CERS4: variants seen among roughly 807,000 people sequenced by gnomAD.
The protein encoded by CERS4 is ceramide synthase 4, also known as LAG1 homolog, ceramide synthase 4.
CERS4 carries 65 observed loss-of-function variants against 51.8 expected under a neutral mutation model. The ratio of observed to expected loss-of-function variants is 1.26; its 90% CI spans 1.03 to 1.54. CERS4 has a LOEUF of 1.54. CERS4 is among the 40% of genes most tolerant of loss of function. The pLI is 0.00. For synonymous variants in CERS4, 228 were observed against 208.4 expected (o/e 1.09, Z -0.81); for missense variants, 563 against 500.4 (o/e 1.13, Z -1.19).
At position 8,254,497 on chromosome 19, in the gene CERS4, A is replaced by G. The variant is rs1969264487; in HGVS notation, c.174-2A>G. ...GATAGGCTCTGTCTCCTTTGCACCC[A>G]GATTCATTGGCCTGCCCCTGAGCCG... On this transcript the variant is annotated splice_acceptor_variant, in intron 3 of 11. Coordinates refer to ENST00000251363, the MANE Select transcript of CERS4 (RefSeq NM_024552.3). LOFTEE classifies it high-confidence loss of function. 3 of 1,613,492 alleles carry G rather than the reference A, an allele frequency of 1.9e-6. No homozygotes were observed. The highest frequency in any genetic ancestry group is 1.1e-5 in the South Asian group (1 of 91,058).
intron 3 of CERS4, among the ~76,000 whole-genome samples, chr19:8,254,017 T>G (rs890704997): frequency 6.6e-6 from 1 of 151,654 alleles, no homozygotes; most frequent in African/African-American, 2.4e-5. Context: ...TCTGATCAGA[T>G]GGAAAAGAAA....
rs904529649 is a variant in CERS4, at chr19:8,262,351, C to G, written c.*242C>G. ...ATGCTGTGGCTGGCCAGAGACACCTCCAGGCTGTGGCCTGGGGGCTGGGGG... is the reference window on the plus strand; with the variant it reads ...ATGCTGTGGCTGGCCAGAGACACCTGCAGGCTGTGGCCTGGGGGCTGGGGG... On this transcript the variant is annotated 3_prime_UTR_variant, in exon 12 of 12. Transcript: ENST00000251363. 3.4e-5 allele frequency: 14 copies of G among 406,236 alleles called. No individual in the cohort carries two copies. The highest frequency in any genetic ancestry group is 4.1e-5 in the African/African-American group (2 of 48,684). The allele number at this position is 406,236 out of a possible 1,614,324, so 25.2% of individuals were successfully genotyped here.
rs146817701 is a variant in CERS4, at chr19:8,254,183, C to T, written c.174-316C>T. Among the ~76,000 whole-genome samples the T allele has an allele frequency of 7.6e-3, 1,147 of 151,762 alleles. 14 individuals are homozygous for T. The highest frequency in any genetic ancestry group is 0.026 in the African/African-American group (1,075 of 41,428). ...TAAAAAATACAAAAAATTAGCCGGG[C>T]GTAGTGGCGGGCGCCTGCAGTCCCA... On this transcript the variant is annotated intron_variant, in intron 3 of 11. Transcript: ENST00000251363.
intron 2 of CERS4, among the ~76,000 whole-genome samples, chr19:8,215,763 C>T (rs1199602892): frequency 1.3e-5 from 2 of 152,176 alleles, no homozygotes; most frequent in Admixed American, 1.3e-4. Context: ...GGGGGCATCC[C>T]TTGTCCCTGG....
intron 4 of CERS4, 22 bp downstream of exon 4, chr19:8,254,638 C>T (rs73922277): frequency 0.012 from 18,452 of 1,580,830 alleles, 764 homozygotes; most frequent in African/African-American, 0.1. Context: ...CCATGCCCTC[C>T]GACCCGCACT....
intron 2 of CERS4, 194 bp from the exon 3 acceptor site, chr19:8,250,882 T>C (rs1969042099): frequency 7.1e-7 from 1 of 1,414,004 alleles, no homozygotes; most frequent in Non-Finnish European, 9.2e-7. Flanking sequence ...AATGAAGTGG[T>C]GGCTCTTCTG....
intron 2 of CERS4, among the ~76,000 whole-genome samples, chr19:8,238,111 C>G (rs778652204): frequency 6.6e-6 from 1 of 152,046 alleles, no homozygotes; most frequent in Non-Finnish European, 1.5e-5. Context: ...TCCAACCCCC[C>G]AGAGACCAGA....
intron 2 of CERS4, among the ~76,000 whole-genome samples, chr19:8,249,587 A>ATTTTTTTTTTTTTTTTTTTTTTT: frequency 1.1e-5 from 1 of 91,380 alleles, no homozygotes; most frequent in Non-Finnish European, 2.0e-5. Context: ...GGAACTCTGG[A>ATTTTTTTTTTTTTTTTTTTTTTT]TTTTTTTTTT....
Position 8,256,720 on chromosome 19 carries a change from A to C in CERS4, c.612+10A>C. ...TGATGTCAAGCGCAAGGTGAGGCCA[A>C]ATAAGAGTCTGGAAGACCCAGTCTC... On this transcript the variant is annotated intron_variant, in intron 8 of 11. Transcript: ENST00000251363. 1 of 1,610,988 alleles carries C rather than the reference A, an allele frequency of 6.2e-7. No homozygotes were observed. Among genetic ancestry groups the C allele is most frequent in the Admixed American group, 1.7e-5 (1 of 59,350 alleles).
At chr19:8,212,863 G>T (rs539608240) in intron 2 of CERS4, among the ~76,000 whole-genome samples, 2 of 151,668 alleles carry the variant, frequency 1.3e-5, no homozygotes, top group African/African-American at 2.4e-5. Flanking sequence ...GGCCAGGCTG[G>T]TCTCGAACTC....
At chr19:8,238,045 C>A (rs991907853) in intron 2 of CERS4, among the ~76,000 whole-genome samples, 3 of 151,898 alleles carry the variant, frequency 2.0e-5, no homozygotes, top group African/African-American at 4.8e-5. Context: ...AATCCCCCCC[C>A]ACAATCCCTG....
At chr19:8,242,204 G>T (rs1461124051) in intron 2 of CERS4, among the ~76,000 whole-genome samples, 1 of 152,196 alleles carries the variant, frequency 6.6e-6, no homozygotes, top group Non-Finnish European at 1.5e-5. Context: ...CTGGGCTCCA[G>T]ACCCTGTTCT....
At chr19:8,213,923 A>G (rs1221284889) in intron 2 of CERS4, among the ~76,000 whole-genome samples, 15 of 152,130 alleles carry the variant, frequency 9.9e-5, no homozygotes, top group Admixed American at 9.8e-4. Context: ...CCAAGATCGC[A>G]CTACTGCACT....
intron 2 of CERS4, among the ~76,000 whole-genome samples, chr19:8,248,337 G>GGA (rs1968880850): frequency 6.6e-6 from 1 of 152,158 alleles, no homozygotes; most frequent in South Asian, 2.1e-4. Flanking sequence ...ACGGATAGAT[G>GGA]CAACGACAGA....
intron 7 of CERS4, 72 bp downstream of exon 7, chr19:8,256,358 G>T: frequency 6.5e-7 from 1 of 1,537,494 alleles, no homozygotes; most frequent in South Asian, 1.2e-5. Context: ...CCATGGGCAT[G>T]GGACCCGAAC....
In CERS4 at chr19:8,257,046, T is replaced by C. The variant is rs762278548; in HGVS notation, c.710T>C (p.Leu237Pro). ...NLLRIGSLVL[L>P]LHDSSDYLLE... ...CTGCGCATTGGCTCTCTGGTGCTGC[T>C]GTTACACGATTCCTCTGACTACCTG... The change falls in exon 9 of 12, where the codon CTG becomes CCG. Residue 237 changes from leucine (L) to proline (P), a missense_variant. Leu to Pro is a moderately conservative substitution (Grantham distance 98). Coordinates refer to ENST00000251363, the MANE Select transcript of CERS4 (RefSeq NM_024552.3). 7 of 1,611,306 alleles carry C rather than the reference T, an allele frequency of 4.3e-6. No homozygotes were observed. Among genetic ancestry groups the C allele is most frequent in the Non-Finnish European group, 5.9e-6 (7 of 1,178,306 alleles).
At chr19:8,257,587 T>C (rs1036389442) in intron 9 of CERS4, among the ~76,000 whole-genome samples, 50 of 152,290 alleles carry the variant, frequency 3.3e-4, no homozygotes, top group Admixed American at 9.8e-4. Context: ...CTTGCCACCA[T>C]GCCAGCTAAC....
intron 2 of CERS4, 198 bp from the exon 3 acceptor site, chr19:8,250,878 G>A (rs1274485790): frequency 2.1e-6 from 3 of 1,412,114 alleles, no homozygotes; most frequent in Admixed American, 2.9e-5. Flanking sequence ...TGAGAATGAA[G>A]TGGTGGCTCT....
rs2145310459 is a variant in CERS4 at position 8,254,491 on chromosome 19, G to A, written c.174-8G>A. 6.2e-7 allele frequency: 1 copy of A among 1,613,154 alleles called. No individual in the cohort carries two copies. The highest frequency in any genetic ancestry group is 1.7e-5 in the Admixed American group (1 of 59,992). ...TGGGCTGATAGGCTCTGTCTCCTTT[G>A]CACCCAGATTCATTGGCCTGCCCCT... On this transcript the variant is annotated splice_region_variant and splice_polypyrimidine_tract_variant and intron_variant, in intron 3 of 11. Transcript: ENST00000251363.
Sources: allele counts gnomAD v4.1 joint callset (sites outside exome capture counted in the v4.1 genomes callset), GRCh38; gene constraint gnomAD v4.1.1; transcripts MANE v1.5; gene names NCBI Gene and HGNC (gene_info 2026-07-23, HGNC 2026-07-21).